NHSL1: variants seen among roughly 807,000 people sequenced by gnomAD.
The protein encoded by NHSL1 is NHS-like protein 1.
NHSL1 carries 48 observed loss-of-function variants against 95.0 expected under a neutral mutation model. That is an observed-to-expected ratio of 0.51 (90% CI 0.40 to 0.64). The LOEUF (loss-of-function observed/expected upper bound fraction) is 0.64, where lower values mean the gene tolerates loss of function less well. Ranked by LOEUF, NHSL1 falls within the 30% of genes least tolerant of loss-of-function variation. The pLI is 0.00. For synonymous variants in NHSL1, 783 were observed against 833.9 expected, an observed-to-expected ratio of 0.94 and a Z score of 1.05; for missense variants, 1,971 against 2,077.7, an observed-to-expected ratio of 0.95 and a Z score of 1.00.
intron 1 of NHSL1, among the ~76,000 whole-genome samples, chr6:138,621,490 C>CAAGATGT (rs1784663574): frequency 6.6e-6 from 1 of 150,858 alleles, no homozygotes; most frequent in Non-Finnish European, 1.5e-5. Context: ...TTTTTCCCCC[C>CAAGATGT]AAGATGTAGC....
rs1196680293 is a variant in NHSL1 at position 138,432,697 on chromosome 6, AGCT to A, written c.1645_1647del (p.Ser550del). On this transcript the variant is annotated inframe_deletion, in exon 6 of 8. Transcript: ENST00000343505. The surrounding 1 kb of genome is among the most constrained non-coding windows in gnomAD (Gnocchi z 4.4). Reference sequence around the variant, plus strand: ...GAGGATTTGTATTCCCAGGGCTCCGAGCTGCTGTGCCCTCCGCCCCCTGAATAA... The same window carrying A: ...GAGGATTTGTATTCCCAGGGCTCCGAGCTGTGCCCTCCGCCCCCTGAATAA... 3.2e-6 allele frequency: 5 copies of A among 1,551,488 alleles called. No individual in the cohort carries two copies. The highest frequency in any genetic ancestry group is 4.4e-6 in the Non-Finnish European group (5 of 1,146,966).
chr6:138,526,796 A>C (rs955688909), intron 1 of NHSL1, among the ~76,000 whole-genome samples: 8 of 152,166 alleles, frequency 5.3e-5, no homozygotes, highest in African/African-American at 1.4e-4. Context: ...TATATCATTT[A>C]TTTCTTTAAA....
chr6:138,607,201 G>C (rs186557593), intron 1 of NHSL1, among the ~76,000 whole-genome samples: 41 of 152,254 alleles, frequency 2.7e-4, no homozygotes, highest in African/African-American at 8.7e-4. Context: ...ACTCTTAAGT[G>C]CTCAAGTAAT....
intron 3 of NHSL1, among the ~76,000 whole-genome samples, chr6:138,460,184 G>A (rs1246286317): frequency 6.6e-6 from 1 of 152,052 alleles, no homozygotes; most frequent in Admixed American, 6.5e-5. Context: ...AAGACCATCT[G>A]GGCTTGGCAT....
intron 5 of NHSL1, among the ~76,000 whole-genome samples, chr6:138,436,656 G>T (rs1005126663): frequency 2.0e-5 from 3 of 152,248 alleles, no homozygotes; most frequent in African/African-American, 4.8e-5. Flanking sequence ...TAGATGAAAC[G>T]ACCTTCTAGT....
At chr6:138,501,615 C>A, upstream of NHSL1, among the ~76,000 whole-genome samples, 1 of 152,232 alleles carries the variant, frequency 6.6e-6, no homozygotes, top group South Asian at 2.1e-4. Context: ...ACATTTCCAT[C>A]CCCCAGGACT....
chr6:138,500,752 A>G (rs1020466882), upstream of NHSL1, among the ~76,000 whole-genome samples: 1 of 151,644 alleles, frequency 6.6e-6, no homozygotes, highest in African/African-American at 2.4e-5. Flanking sequence ...ACATAGGGGA[A>G]AGCTTTGAAA....
chr6:138,572,869 A>AGATAGATAGATG, upstream of NHSL1, among the ~76,000 whole-genome samples: 1 of 152,246 alleles, frequency 6.6e-6, no homozygotes, highest in Admixed American at 6.5e-5. Context: ...ATAGATAGAT[A>AGATAGATAGATG]GATAGATAGA....
At chr6:138,581,797 C>T (rs980266714) in intron 1 of NHSL1, among the ~76,000 whole-genome samples, 14 of 151,452 alleles carry the variant, frequency 9.2e-5, no homozygotes, top group Non-Finnish European at 4.4e-5. Flanking sequence ...GTTGGTGTGG[C>T]CTCAGGCTCT....
At position 138,691,296 on chromosome 6, in the gene NHSL1, C is replaced by T. The variant is rs139813797; in HGVS notation, c.96+1180G>A. ...TCCACAATTCATATGAATGTGTTGA[C>T]GGCACAATCAAAGAGATGAACGCAA... On this transcript the variant is annotated intron_variant, in intron 1 of 3. Coordinates refer to the NHSL1 transcript ENST00000491526. Among the ~76,000 whole-genome samples the T allele has an allele frequency of 2.6e-3, 388 of 152,124 alleles. 3 individuals are homozygous for T. Among genetic ancestry groups the T allele is most frequent in the African/African-American group, 9.0e-3 (372 of 41,474 alleles).
chr6:138,500,207 A>T (rs937277091), upstream of NHSL1, among the ~76,000 whole-genome samples: 1 of 152,212 alleles, frequency 6.6e-6, no homozygotes, highest in Non-Finnish European at 1.5e-5. Flanking sequence ...GGTTTTCAGA[A>T]TTCCATAATC....
chr6:138,661,045 A>G (rs572220495), intron 1 of NHSL1, among the ~76,000 whole-genome samples: 5 of 152,336 alleles, frequency 3.3e-5, no homozygotes, highest in South Asian at 2.1e-4. Flanking sequence ...AGATTCATAC[A>G]TGATTTGATA....
At chr6:138,589,031 G>A (rs914752237) in intron 1 of NHSL1, among the ~76,000 whole-genome samples, 1 of 152,194 alleles carries the variant, frequency 6.6e-6, no homozygotes, top group African/African-American at 2.4e-5. Context: ...AAAACAGGCA[G>A]AGGAAGAGAA....
chr6:138,576,345 A>C (rs1371682696), upstream of NHSL1, among the ~76,000 whole-genome samples: 1 of 152,180 alleles, frequency 6.6e-6, no homozygotes, highest in Non-Finnish European at 1.5e-5. Flanking sequence ...CTTCAGCTAT[A>C]ATCTTCAAAG....
chr6:138,569,474 A>G (rs1783744340), intron 1 of NHSL1, among the ~76,000 whole-genome samples: 1 of 152,182 alleles, frequency 6.6e-6, no homozygotes, highest in Non-Finnish European at 1.5e-5. Flanking sequence ...TTCCCATCAG[A>G]CCAATGTGTC....
intron 2 of NHSL1, among the ~76,000 whole-genome samples, chr6:138,478,734 C>A (rs1022923183): frequency 1.3e-5 from 2 of 152,174 alleles, no homozygotes; most frequent in Non-Finnish European, 2.9e-5. Flanking sequence ...ATTCTTCTTG[C>A]AACAGAAATT....
chr6:138,537,842 G>A (rs1228623718), intron 1 of NHSL1, among the ~76,000 whole-genome samples: 1 of 152,150 alleles, frequency 6.6e-6, no homozygotes, highest in African/African-American at 2.4e-5. Flanking sequence ...ACAAGCAGTA[G>A]CACCTTTACA....
At chr6:138,540,799 G>A (rs947195377) in intron 1 of NHSL1, among the ~76,000 whole-genome samples, 3 of 152,056 alleles carry the variant, frequency 2.0e-5, no homozygotes, top group Non-Finnish European at 4.4e-5. Flanking sequence ...CCTATCGTTC[G>A]GGGCATGCAG....
intron 1 of NHSL1, among the ~76,000 whole-genome samples, chr6:138,616,530 CAGAGAG>C (rs147079893): frequency 2.0e-5 from 3 of 148,566 alleles, no homozygotes; most frequent in Admixed American, 6.7e-5. Flanking sequence ...CAGGCAGAGA[CAGAGAG>C]AGAGAGAGAG....
Sources: gnomAD v4.1 joint callset for allele counts (sites outside exome capture counted in the v4.1 genomes callset) on GRCh38, gnomAD v4.1.1 for gene constraint, Gnocchi (gnomAD v3.1) non-coding constraint, MANE v1.5 for transcripts, NCBI Gene and HGNC (gene_info 2026-07-23, HGNC 2026-07-21) for gene names.